SLC24A4: variants seen among roughly 807,000 people sequenced by gnomAD.
The protein encoded by SLC24A4 is sodium/potassium/calcium exchanger 4.
In SLC24A4, 53 loss-of-function variants were observed where a neutral mutation model predicts 79.0. The observed-to-expected ratio is 0.67, with a 90% confidence interval of 0.54 to 0.84. SLC24A4 has a LOEUF of 0.84. SLC24A4 is among the 40% of genes least tolerant of loss of function. The pLI, the probability that SLC24A4 is intolerant of heterozygous loss-of-function variation, is 0.00. For synonymous variants in SLC24A4, 323 were observed against 323.8 expected (o/e 1.00, Z 0.03); for missense variants, 731 against 822.0 (o/e 0.89, Z 1.35).
rs71461973 is a variant in SLC24A4 at position 92,499,675 on chromosome 14, C to CTAATTTG, written c.*6049_*6055dup. 0.62 allele frequency: 91,842 copies of CTAATTTG among 149,180 alleles called. 29,162 individuals carry two copies. Among genetic ancestry groups the CTAATTTG allele is most frequent in the South Asian group, 0.69 (3,259 of 4,698 alleles). 9.2% of individuals were successfully genotyped at this position (149,180 alleles called of 1,614,324 possible). A position where few individuals can be genotyped will look rare whatever the true frequency, so the allele number is the denominator to read the frequency against. On this transcript the variant is annotated 3_prime_UTR_variant, in exon 17 of 17. Transcript: ENST00000532405. ...TACAGGCACATGCCACCACATACAG[C>CTAATTTG]TAATTTGTTTTCATTTTTTTTTTTT...
intron 6 of SLC24A4, among the ~76,000 whole-genome samples, 167 bp downstream of exon 6, chr14:92,442,983 G>A (rs1256401146): frequency 6.6e-6 from 1 of 152,210 alleles, no homozygotes; most frequent in Non-Finnish European, 1.5e-5. Flanking sequence ...GGAGCATGAA[G>A]CTGGATTGTC....
At chr14:92,451,310 T>C (rs1202052119) in intron 10 of SLC24A4, 2 of 152,238 alleles carry the variant, frequency 1.3e-5, no homozygotes, top group African/African-American at 2.4e-5. Context: ...CAGAGGGCCA[T>C]GTGTGAGTCA....
intron 1 of SLC24A4, among the ~76,000 whole-genome samples, chr14:92,324,395 C>G (rs1000881605): frequency 2.6e-5 from 4 of 152,230 alleles, no homozygotes; most frequent in African/African-American, 7.2e-5. Flanking sequence ...AAGGGGTCCC[C>G]TGGGTGCCCT....
intron 2 of SLC24A4, among the ~76,000 whole-genome samples, chr14:92,376,513 T>C (rs1595184595): frequency 6.6e-6 from 1 of 152,248 alleles, no homozygotes; most frequent in African/African-American, 2.4e-5. Context: ...CCGTCCATGG[T>C]ATTTTGCATA....
At chr14:92,405,746 G>GA (rs1355930895) in intron 2 of SLC24A4, among the ~76,000 whole-genome samples, 1 of 152,084 alleles carries the variant, frequency 6.6e-6, no homozygotes, top group Non-Finnish European at 1.5e-5. Flanking sequence ...CAGTAAGGGG[G>GA]AAATCTGCCT....
In SLC24A4 at chr14:92,453,775, G is replaced by A. The variant is rs767933931; in HGVS notation, c.881-125G>A. On this transcript the variant is annotated intron_variant, in intron 10 of 16. Transcript: ENST00000532405. ...TTGAAGCCAGGCATCCAGACTTCCC[G>A]GTGGCTGCCAGCTGCCAGGACCACA... The A allele has an allele frequency of 3.3e-5, 35 of 1,060,036 alleles. No individual in the cohort carries two copies. The African/African-American group carries it at 3.5e-4, about 11-fold the overall frequency. The allele number at this position is 1,060,036 out of a possible 1,614,324, so 65.7% of individuals were successfully genotyped here.
Position 92,486,762 on chromosome 14 carries a change from C to G in SLC24A4, c.1519C>G (p.Leu507Val), listed in dbSNP as rs756519529. 3 of 1,613,742 alleles carry G rather than the reference C, an allele frequency of 1.9e-6. No individual in the cohort carries two copies. The highest frequency in any genetic ancestry group is 2.2e-5 in the East Asian group (1 of 44,888). The part of the protein sequence containing the change: ...GTSVPDCMAS[L>V]IVARQGLGDM... ...AAGTGTTCCAGACTGCATGGCCAGC[C>G]TAATTGTGGCGAGACAAGGTATGGA... Residue 507 changes from leucine to valine, a missense_variant, in exon 14 of 17, where the codon CTA (leucine) becomes GTA (valine). Transcript: ENST00000532405.
chr14:92,411,275 G>A (rs1217165039), intron 2 of SLC24A4, among the ~76,000 whole-genome samples: 4 of 152,180 alleles, frequency 2.6e-5, no homozygotes, highest in African/African-American at 9.7e-5. Flanking sequence ...TGGAGCCTCT[G>A]TTGAGGACAC....
Position 92,499,306 on chromosome 14 carries a change from G to A in SLC24A4, c.*5678G>A, listed in dbSNP as rs984588799. The A allele has an allele frequency of 3.9e-5, 6 of 152,174 alleles. No individual in the cohort carries two copies. The highest frequency in any genetic ancestry group is 1.5e-5 in the Non-Finnish European group (1 of 68,044). 9.4% of individuals were successfully genotyped at this position (152,174 alleles called of 1,614,324 possible). On this transcript the variant is annotated 3_prime_UTR_variant, in exon 17 of 17. Transcript: ENST00000532405. ...AGTCTAGGAACATGTCTGCTGCTGGGATACCCTGGTACCAGGATTTGAGGG... is the reference window on the plus strand; with the variant it reads ...AGTCTAGGAACATGTCTGCTGCTGGAATACCCTGGTACCAGGATTTGAGGG...
intron 2 of SLC24A4, among the ~76,000 whole-genome samples, chr14:92,374,463 T>C (rs1035475821): frequency 1.3e-5 from 2 of 152,226 alleles, no homozygotes; most frequent in African/African-American, 2.4e-5. Flanking sequence ...ACAAAGCTGA[T>C]TGTAAATGGA....
In SLC24A4 at chr14:92,491,998, T is replaced by C. The variant is rs200440961; in HGVS notation, c.1651-177T>C. Among the ~76,000 whole-genome samples the C allele has an allele frequency of 9.9e-5, 15 of 152,238 alleles. No homozygotes were observed. In the East Asian group the frequency reaches 2.9e-3, roughly 29 times the overall value. ...CCCCATCCCAGGCTGTCTCCTCAGA[T>C]GAGCAGGGTCGTGACTTGAATCCGT... On this transcript the variant is annotated intron_variant, in intron 15 of 16. Coordinates refer to ENST00000532405, the MANE Select transcript of SLC24A4 (RefSeq NM_153646.4).
intron 2 of SLC24A4, among the ~76,000 whole-genome samples, chr14:92,396,957 A>G (rs1268626675): frequency 6.6e-6 from 1 of 152,200 alleles, no homozygotes; most frequent in Non-Finnish European, 1.5e-5. Flanking sequence ...TCTGATATGG[A>G]CAACACTTTG....
intron 2 of SLC24A4, among the ~76,000 whole-genome samples, chr14:92,343,597 T>TC (rs1566699749): frequency 7.3e-6 from 1 of 137,158 alleles, no homozygotes; most frequent in African/African-American, 2.7e-5. Context: ...TCTTTCTTTC[T>TC]TTCTTTCTTT....
At chr14:92,465,363 G>A (rs1298806770) in intron 12 of SLC24A4, among the ~76,000 whole-genome samples, 1 of 152,272 alleles carries the variant, frequency 6.6e-6, no homozygotes, top group Non-Finnish European at 1.5e-5. Flanking sequence ...AGATCCCTGC[G>A]GTGAGATGCA....
At chr14:92,410,895 T>G (rs1890673930) in intron 2 of SLC24A4, among the ~76,000 whole-genome samples, 1 of 152,190 alleles carries the variant, frequency 6.6e-6, no homozygotes, top group South Asian at 2.1e-4. Context: ...TATTGCAAGT[T>G]TGGTATTGGA....
At chr14:92,344,529 G>T (rs1325523548) in intron 2 of SLC24A4, among the ~76,000 whole-genome samples, 1 of 152,192 alleles carries the variant, frequency 6.6e-6, no homozygotes, top group African/African-American at 2.4e-5. Context: ...TATCGAGGCA[G>T]TTGGAGTTGG....
rs575313672 is a variant in SLC24A4 at position 92,454,164 on chromosome 14, C to G, written c.1050+95C>G. On this transcript the variant is annotated intron_variant, in intron 11 of 16. Transcript: ENST00000532405. ...TTCCTGGTGCCATTGATCACTGCACCTGTTTAAGGAAGGATGCCCTGGGGC... is the reference window on the plus strand; with the variant it reads ...TTCCTGGTGCCATTGATCACTGCACGTGTTTAAGGAAGGATGCCCTGGGGC... The G allele has an allele frequency of 1.0e-5, 14 of 1,358,450 alleles. No homozygotes were observed. The African/African-American group carries it at 1.8e-4, about 17-fold the overall frequency. The allele number at this position is 1,358,450 out of a possible 1,614,324, so 84.1% of individuals were successfully genotyped here.
At chr14:92,438,007 T>G (rs2139800647) in intron 3 of SLC24A4, among the ~76,000 whole-genome samples, 1 of 152,074 alleles carries the variant, frequency 6.6e-6, no homozygotes, top group South Asian at 2.1e-4. Context: ...TGCGTGTGGG[T>G]TTTTTCCCCA....
chr14:92,485,231 AG>A (rs1895284755), intron 13 of SLC24A4, among the ~76,000 whole-genome samples: 1 of 152,158 alleles, frequency 6.6e-6, no homozygotes, highest in African/African-American at 2.4e-5. Context: ...CGGGAGGCCA[AG>A]GCAGGAGGAT....
Sources: gnomAD v4.1 joint callset for allele counts (sites outside exome capture counted in the v4.1 genomes callset) on GRCh38, gnomAD v4.1.1 for gene constraint, MANE v1.5 for transcripts, NCBI Gene and HGNC (gene_info 2026-07-23, HGNC 2026-07-21) for gene names.